The following DPP6 variants were observed in gnomAD, a reference collection of about 807,000 sequenced individuals.
DPP6 encodes the protein A-type potassium channel modulatory protein DPP6.
A neutral mutation model predicts 122.6 loss-of-function variants in DPP6; 69 were observed. The ratio of observed to expected loss-of-function variants is 0.56; its 90% CI spans 0.46 to 0.69. The LOEUF is 0.69. DPP6 is among the 30% of genes least tolerant of loss of function. The pLI is 0.00. For missense variants in DPP6, 928 were observed against 1,116.9 expected (o/e 0.83, Z 2.41); for synonymous variants, 418 against 433.1 (o/e 0.97, Z 0.43).
At chr7:153,944,664 GTTTTTTTTTTT>G (rs139824215) in intron 1 of DPP6, among the ~76,000 whole-genome samples, 2 of 106,982 alleles carry the variant, frequency 1.9e-5, no homozygotes, top group African/African-American at 7.6e-5. Flanking sequence ...TTTTGTGTGG[GTTTTTTTTTTT>G]TTTTTTTTTT....
intron 22 of DPP6, among the ~76,000 whole-genome samples, chr7:154,887,390 ATTAACTGGGT>A (rs1439785760): frequency 9.2e-5 from 14 of 152,226 alleles, no homozygotes; most frequent in African/African-American, 2.7e-4. Context: ...TAGGAATCAG[ATTAACTGGGT>A]TTTGCTTAAT....
Position 154,608,320 on chromosome 7 carries a change from C to CATATATATATATATATATATATATATAT in DPP6, c.628-29479_628-29478insATATATATATATATATATATATATATAT, listed in dbSNP as rs35662023. 7.5e-3 allele frequency among the ~76,000 whole-genome samples: 669 copies of CATATATATATATATATATATATATATAT among 89,406 alleles called. 23 individuals are homozygous for CATATATATATATATATATATATATATAT. The highest frequency in any genetic ancestry group is 0.011 in the Non-Finnish European group (465 of 42,408). The allele number at this position is 89,406 out of a possible 152,430, so 58.7% of individuals were successfully genotyped here. On this transcript the variant is annotated intron_variant, in intron 5 of 25. Transcript: ENST00000377770. The stretch of plus-strand genomic sequence containing the variant: ...CATGCTTGCATTTTTTAGGAGTGAT[C>CATATATATATATATATATATATATATAT]ATATATATATATATATATATATTTT...
chr7:154,793,978 C>T (rs1797848245), intron 10 of DPP6, 101 bp from the exon 11 acceptor site: 1 of 1,484,286 alleles, frequency 6.7e-7, no homozygotes, highest in South Asian at 1.4e-5. Context: ...GGCTCCGGCC[C>T]CCGGCTCCCG....
At chr7:154,080,882 GC>G (rs1329089981) in intron 1 of DPP6, among the ~76,000 whole-genome samples, 2 of 152,074 alleles carry the variant, frequency 1.3e-5, no homozygotes, top group Admixed American at 6.5e-5. Context: ...CCTCATGAGG[GC>G]TCTAATGGGA....
chr7:153,952,482 T>A (rs1402210116), intron 1 of DPP6, among the ~76,000 whole-genome samples: 1 of 152,150 alleles, frequency 6.6e-6, no homozygotes, highest in East Asian at 1.9e-4. Context: ...TTAAAGAAAG[T>A]GTTTTATTAT....
chr7:154,646,985 G>A (rs1836525375), intron 6 of DPP6, among the ~76,000 whole-genome samples: 1 of 152,174 alleles, frequency 6.6e-6, no homozygotes. Context: ...AAACAAACAA[G>A]TCTCTTTGAA....
At chr7:154,591,206 C>A (rs957125962) in intron 5 of DPP6, among the ~76,000 whole-genome samples, 1 of 152,190 alleles carries the variant, frequency 6.6e-6, no homozygotes, top group Non-Finnish European at 1.5e-5. Flanking sequence ...CCACACGTTT[C>A]CCCCTCTGAT....
intron 15 of DPP6, among the ~76,000 whole-genome samples, chr7:154,805,282 T>G (rs1798626245): frequency 6.6e-6 from 1 of 152,026 alleles, no homozygotes; most frequent in Non-Finnish European, 1.5e-5. Context: ...CTCGGAGGAA[T>G]TCTGCCCCCC....
intron 1 of DPP6, among the ~76,000 whole-genome samples, chr7:154,060,329 A>T (rs979445020): frequency 4.3e-5 from 2 of 46,188 alleles, no homozygotes; most frequent in Non-Finnish European, 4.4e-5. Context: ...CCATCGCAGG[A>T]GGGGGAGGCA....
At chr7:154,817,911 A>G (rs1489006306) in intron 16 of DPP6, among the ~76,000 whole-genome samples, 1 of 152,068 alleles carries the variant, frequency 6.6e-6, no homozygotes, top group Non-Finnish European at 1.5e-5. Context: ...TGTCACCCAC[A>G]GTCATGGGGG....
At chr7:153,959,766 G>A (rs1795252847) in intron 1 of DPP6, among the ~76,000 whole-genome samples, 1 of 152,166 alleles carries the variant, frequency 6.6e-6, no homozygotes, top group Admixed American at 6.5e-5. Context: ...AGGCTGTTTT[G>A]CTTTCTTATC....
chr7:154,114,283 G>A (rs1349788501), intron 1 of DPP6, among the ~76,000 whole-genome samples: 1 of 152,110 alleles, frequency 6.6e-6, no homozygotes, highest in East Asian at 1.9e-4. Flanking sequence ...TCATGGCCCT[G>A]TCATGCACTG....
chr7:153,763,916 C>G, the DPP6 span, among the ~76,000 whole-genome samples: 3 of 152,178 alleles, frequency 2.0e-5, no homozygotes, highest in Non-Finnish European at 4.4e-5. Flanking sequence ...ACCTTAGCAG[C>G]TTCAATAAGC....
At chr7:153,974,825 C>G (rs936798336) in intron 1 of DPP6, among the ~76,000 whole-genome samples, 1 of 152,158 alleles carries the variant, frequency 6.6e-6, no homozygotes, top group Admixed American at 6.5e-5. Context: ...AATCTCTGTG[C>G]CCAGTTCAGC....
At chr7:154,633,386 G>A (rs530091865) in intron 5 of DPP6, among the ~76,000 whole-genome samples, 18 of 152,112 alleles carry the variant, frequency 1.2e-4, no homozygotes, top group Admixed American at 9.2e-4. Context: ...ACAGGCACCC[G>A]CCATCCTGCC....
At chr7:154,083,202 G>T (rs1281310945) in intron 1 of DPP6, among the ~76,000 whole-genome samples, 1 of 152,052 alleles carries the variant, frequency 6.6e-6, no homozygotes, top group Admixed American at 6.6e-5. Context: ...GTTAGTTGTT[G>T]TGCTTCTTTG....
At chr7:154,001,098 C>T (rs994879383) in intron 1 of DPP6, among the ~76,000 whole-genome samples, 2 of 151,948 alleles carry the variant, frequency 1.3e-5, no homozygotes, top group Non-Finnish European at 2.9e-5. Context: ...CTTTCCACAT[C>T]CCCTGCAGAT....
chr7:154,695,206 C>T (rs994133483), intron 7 of DPP6, among the ~76,000 whole-genome samples: 4 of 152,150 alleles, frequency 2.6e-5, no homozygotes, highest in Non-Finnish European at 5.9e-5. Context: ...ACGCCCAAGA[C>T]TATTGCAGAG....
chr7:154,010,286 C>T (rs1194461522), intron 1 of DPP6, among the ~76,000 whole-genome samples: 1 of 152,218 alleles, frequency 6.6e-6, no homozygotes. Flanking sequence ...GTGCATACGA[C>T]TTTCATCTGA....
Sources: allele counts gnomAD v4.1 joint callset (sites outside exome capture counted in the v4.1 genomes callset), GRCh38; gene constraint gnomAD v4.1.1; transcripts MANE v1.5; gene names NCBI Gene and HGNC (gene_info 2026-07-23, HGNC 2026-07-21).